The following CADPS2 variants were observed in gnomAD, a reference collection of about 807,000 sequenced individuals.
CADPS2 encodes calcium dependent secretion activator 2.
In CADPS2, 93 loss-of-function variants were observed where a neutral mutation model predicts 172.5. The observed-to-expected ratio is 0.54, with a 90% CI of 0.46 to 0.64. The LOEUF is 0.64. Among genes scored for constraint, CADPS2 ranks in the 30% least tolerant of loss-of-function variants. The pLI, the probability that CADPS2 is intolerant of heterozygous loss-of-function variation, is 0.00. For synonymous variants in CADPS2, 546 were observed against 555.2 expected (o/e 0.98, Z 0.23); for missense variants, 1,420 against 1,565.9 (o/e 0.91, Z 1.57).
At chr7:122,795,616 T>A (rs866780740) in intron 1 of CADPS2, among the ~76,000 whole-genome samples, 2 of 152,072 alleles carry the variant, frequency 1.3e-5, no homozygotes, top group South Asian at 4.1e-4. Flanking sequence ...AAAAACCACA[T>A]GAGAATCTCA....
chr7:122,623,761 T>C (rs567921425), intron 4 of CADPS2, among the ~76,000 whole-genome samples: 93 of 152,312 alleles, frequency 6.1e-4, no homozygotes, highest in African/African-American at 1.9e-3. Flanking sequence ...TGTGTCCATT[T>C]TATATTTATA....
intron 6 of CADPS2, among the ~76,000 whole-genome samples, chr7:122,593,307 A>G (rs1204026397): frequency 6.6e-6 from 1 of 151,976 alleles, no homozygotes. Context: ...AACATTGTGG[A>G]AAAAAGACCG....
At chr7:122,633,326 T>G (rs1009520640) in intron 3 of CADPS2, among the ~76,000 whole-genome samples, 1 of 152,154 alleles carries the variant, frequency 6.6e-6, no homozygotes, top group Non-Finnish European at 1.5e-5. Flanking sequence ...ATTCCATGAA[T>G]ATGGAATATT....
intron 9 of CADPS2, among the ~76,000 whole-genome samples, chr7:122,501,661 A>C (rs2059209981): frequency 1.3e-5 from 2 of 151,950 alleles, no homozygotes; most frequent in Admixed American, 1.3e-4. Flanking sequence ...CATCCTGGCT[A>C]ACACCGTAGA....
intron 24 of CADPS2, among the ~76,000 whole-genome samples, chr7:122,381,248 C>T (rs1431834278): frequency 1.3e-5 from 2 of 152,146 alleles, no homozygotes; most frequent in South Asian, 2.1e-4. Flanking sequence ...GTTTCACGTC[C>T]TTCTTGCTCC....
chr7:122,450,664 G>A (rs1345948295), intron 15 of CADPS2, among the ~76,000 whole-genome samples: 3 of 151,486 alleles, frequency 2.0e-5, no homozygotes, highest in Non-Finnish European at 4.4e-5. Context: ...CTGAGCAGCT[G>A]AGACTACAGA....
chr7:122,546,563 C>A (rs1047508691), intron 8 of CADPS2, among the ~76,000 whole-genome samples: 4 of 151,910 alleles, frequency 2.6e-5, no homozygotes, highest in African/African-American at 7.3e-5. Context: ...TAAGCTTTTT[C>A]CTTCCTTTTT....
intron 17 of CADPS2, among the ~76,000 whole-genome samples, chr7:122,425,425 CAAAAAAAAAAA>C (rs71159797): frequency 2.8e-5 from 2 of 72,678 alleles, no homozygotes. Context: ...CTATCTCTAC[CAAAAAAAAAAA>C]AAAAAAAAAA....
chr7:122,472,724 A>G (rs1198865994), intron 13 of CADPS2, among the ~76,000 whole-genome samples: 2 of 152,218 alleles, frequency 1.3e-5, no homozygotes, highest in Non-Finnish European at 2.9e-5. Flanking sequence ...CCATGAAAAG[A>G]TAGAATAGGA....
chr7:122,683,027 C>T (rs188152625), intron 2 of CADPS2, among the ~76,000 whole-genome samples: 133 of 152,316 alleles, frequency 8.7e-4, no homozygotes, highest in South Asian at 1.7e-3. Flanking sequence ...GGAGCAGCTC[C>T]CAGCCCCTGT....
intron 14 of CADPS2, among the ~76,000 whole-genome samples, chr7:122,462,000 C>G (rs1194385031): frequency 6.6e-6 from 1 of 152,096 alleles, no homozygotes; most frequent in African/African-American, 2.4e-5. Context: ...CCTAGCAAAA[C>G]TTTCTTTGAA....
intron 1 of CADPS2, among the ~76,000 whole-genome samples, chr7:122,816,896 C>G (rs1451615395): frequency 6.6e-6 from 1 of 151,616 alleles, no homozygotes; most frequent in African/African-American, 2.4e-5. Context: ...CGATCCTTGC[C>G]TTAAATGATG....
chr7:122,348,133 C>T (rs766173640), intron 27 of CADPS2, among the ~76,000 whole-genome samples: 80 of 152,212 alleles, frequency 5.3e-4, no homozygotes, highest in Non-Finnish European at 4.3e-4. Flanking sequence ...TTTTTGTTTC[C>T]ATCTTTTAAA....
intron 2 of CADPS2, among the ~76,000 whole-genome samples, chr7:122,726,862 T>C (rs2091157853): frequency 6.6e-6 from 1 of 150,826 alleles, no homozygotes; most frequent in Admixed American, 6.6e-5. Flanking sequence ...GAAACATTAC[T>C]TAACCTTAAG....
intron 8 of CADPS2, among the ~76,000 whole-genome samples, chr7:122,535,906 G>A (rs1447032189): frequency 3.3e-5 from 5 of 151,964 alleles, no homozygotes; most frequent in African/African-American, 1.2e-4. Context: ...GATAAAGAAG[G>A]ATAACAAGAC....
chr7:122,346,970 A>G (rs2037759751), intron 27 of CADPS2, among the ~76,000 whole-genome samples: 1 of 152,204 alleles, frequency 6.6e-6, no homozygotes, highest in Non-Finnish European at 1.5e-5. Flanking sequence ...ATAACTATCT[A>G]TCACTAGGTA....
intron 2 of CADPS2, among the ~76,000 whole-genome samples, chr7:122,715,040 A>C (rs1235288908): frequency 6.6e-6 from 1 of 152,120 alleles, no homozygotes; most frequent in Non-Finnish European, 1.5e-5. Context: ...TTGACTACAG[A>C]CTTCTGGCCT....
intron 14 of CADPS2, among the ~76,000 whole-genome samples, chr7:122,470,852 G>A (rs528047950): frequency 4.6e-5 from 7 of 152,224 alleles, no homozygotes; most frequent in Non-Finnish European, 7.4e-5. Context: ...CAACATTAGG[G>A]AATTTTTATG....
intron 8 of CADPS2, among the ~76,000 whole-genome samples, chr7:122,551,017 A>G (rs2064211736): frequency 6.6e-6 from 1 of 152,136 alleles, no homozygotes. Context: ...TTAAATATCT[A>G]TTTTCATTTA....
Sources: allele counts gnomAD v4.1 joint callset (sites outside exome capture counted in the v4.1 genomes callset), GRCh38; gene constraint gnomAD v4.1.1; transcripts MANE v1.5; gene names NCBI Gene and HGNC (gene_info 2026-07-23, HGNC 2026-07-21).